USO1: variants seen among roughly 807,000 people sequenced by gnomAD.
USO1 encodes general vesicular transport factor p115.
A neutral mutation model predicts 124.5 loss-of-function variants in USO1; 57 were observed. The observed-to-expected ratio is 0.46, with a 90% CI of 0.37 to 0.57. The LOEUF (loss-of-function observed/expected upper bound fraction) is 0.57, where lower values mean the gene tolerates loss of function less well. USO1 is among the 20% of genes least tolerant of loss of function. The probability of loss-of-function intolerance (pLI) is 0.00; values close to 1 mark genes in which losing one functional copy is unlikely to be tolerated. For missense variants in USO1, 900 were observed against 1,040.6 expected, an observed-to-expected ratio of 0.86 and a Z score of 1.86; for synonymous variants, 369 against 362.8, an observed-to-expected ratio of 1.02 and a Z score of -0.19.
At chr4:75,810,624 T>C in intron 22 of USO1, 85 bp downstream of exon 22, 4 of 1,380,142 alleles carry the variant, frequency 2.9e-6, no homozygotes, top group Middle Eastern at 1.8e-4. Flanking sequence ...AATTCTTAGA[T>C]TTATGAAGAA....
intron 8 of USO1, among the ~76,000 whole-genome samples, chr4:75,777,943 A>G (rs1227111379): frequency 6.6e-6 from 1 of 152,236 alleles, no homozygotes; most frequent in Admixed American, 6.5e-5. Context: ...AATGTCCTTT[A>G]GTAGTTGAAT....
intron 22 of USO1, among the ~76,000 whole-genome samples, chr4:75,811,402 C>T (rs1299056043): frequency 1.3e-5 from 2 of 152,152 alleles, no homozygotes; most frequent in African/African-American, 2.4e-5. Context: ...GTGATCTGCC[C>T]GCATTGGCCC....
chr4:75,733,347 C>T (rs1412766856), intron 1 of USO1, among the ~76,000 whole-genome samples: 4 of 152,140 alleles, frequency 2.6e-5, no homozygotes, highest in Admixed American at 6.5e-5. Context: ...ACTGCTGGGT[C>T]GAATGGTAGT....
intron 1 of USO1, among the ~76,000 whole-genome samples, chr4:75,732,919 G>T (rs1175585257): frequency 2.0e-5 from 3 of 146,984 alleles, no homozygotes; most frequent in Non-Finnish European, 3.0e-5. Flanking sequence ...GGGGAGTTCT[G>T]TTTTAGGAAT....
chr4:75,807,317 C>A (rs1020076275), intron 20 of USO1, among the ~76,000 whole-genome samples: 1 of 151,670 alleles, frequency 6.6e-6, no homozygotes, highest in Non-Finnish European at 1.5e-5. Flanking sequence ...CTCTTTTCTT[C>A]TCTCTCTTTT....
intron 10 of USO1, among the ~76,000 whole-genome samples, chr4:75,788,171 ATTTT>A (rs11291010): frequency 1.6e-5 from 2 of 123,246 alleles, no homozygotes; most frequent in African/African-American, 6.0e-5. Flanking sequence ...TTATTTATTT[ATTTT>A]TTTTTTTTTT....
intron 1 of USO1, among the ~76,000 whole-genome samples, chr4:75,726,785 C>G (rs982300603): frequency 2.0e-5 from 3 of 152,214 alleles, no homozygotes; most frequent in Non-Finnish European, 4.4e-5. Context: ...CAGAGTCATA[C>G]CATAATCACA....
At chr4:75,797,111 C>G (rs1185123782) in intron 13 of USO1, among the ~76,000 whole-genome samples, 2 of 151,964 alleles carry the variant, frequency 1.3e-5, no homozygotes, top group Non-Finnish European at 2.9e-5. Flanking sequence ...GAGTTCAAGG[C>G]TGCAGTGAGC....
At chr4:75,750,061 G>T (rs1483114851) in intron 1 of USO1, among the ~76,000 whole-genome samples, 1 of 152,128 alleles carries the variant, frequency 6.6e-6, no homozygotes, top group African/African-American at 2.4e-5. Flanking sequence ...CCTAAACTAT[G>T]TTCTTCATCA....
chr4:75,805,161 G>T lies in USO1; in HGVS notation c.2147G>T (p.Gly716Val). 6.2e-7 allele frequency: 1 copy of T among 1,603,256 alleles called. No individual in the cohort carries two copies. The highest frequency in any genetic ancestry group is 8.5e-7 in the Non-Finnish European group (1 of 1,175,676). The change falls in exon 19 of 24, where the codon GGT (glycine) becomes GTT (valine). Residue 716 changes from glycine (G) to valine (V), a missense_variant. Transcript: ENST00000514213. ...ACAGGAAAAGACAATCAGCATCAAG[G>T]TTCTTACAGTGAGGGGGCTCAGATG... ...IQLGKDNQHQ[G>V]SYSEGAQMNG...
At chr4:75,802,773 G>C (rs1358723041) in intron 17 of USO1, among the ~76,000 whole-genome samples, 1 of 84,584 alleles carries the variant, frequency 1.2e-5, no homozygotes, top group Non-Finnish European at 2.1e-5. Context: ...AGACAGTTTC[G>C]CTCTTGTTGC....
chr4:75,762,569 G>T (rs542653766), intron 4 of USO1, among the ~76,000 whole-genome samples: 53 of 150,732 alleles, frequency 3.5e-4, no homozygotes, highest in African/African-American at 1.3e-3. Context: ...TTCTGACTGG[G>T]TTCTTTATTA....
chr4:75,811,243 C>T (rs2047989), intron 22 of USO1, among the ~76,000 whole-genome samples: 81,828 of 151,506 alleles, frequency 0.54, 23,624 homozygotes, highest in East Asian at 0.81. Context: ...GCAGCCTCCA[C>T]CTCCCAGATT....
chr4:75,752,406 A>G lies in USO1; in HGVS notation c.100A>G (p.Thr34Ala). The change falls in exon 2 of 24, where the codon ACT (threonine) becomes GCT (alanine). Residue 34 changes from threonine (T) to alanine (A), a missense_variant. Physicochemically the swap from Thr to Ala is moderately conservative, Grantham distance 58. Coordinates refer to ENST00000514213, the MANE Select transcript of USO1 (RefSeq NM_003715.4). ...QKLCDRVASS[T>A]LLDDRRNAVR... The stretch of plus-strand genomic sequence containing the variant: ...GCTTTGTGACAGAGTAGCTTCATCT[A>G]CTTTATTGGATGATCGAAGAAATGC... 2 of 398,280 alleles carry G rather than the reference A, an allele frequency of 5.0e-6. No homozygotes were observed. Among genetic ancestry groups the G allele is most frequent in the Non-Finnish European group, 4.4e-6 (1 of 225,970 alleles). The allele number at this position is 398,280 out of a possible 1,614,324, so 24.7% of individuals were successfully genotyped here.
intron 1 of USO1, among the ~76,000 whole-genome samples, chr4:75,731,026 G>A (rs1247070791): frequency 6.6e-6 from 1 of 152,068 alleles, no homozygotes; most frequent in East Asian, 1.9e-4. Flanking sequence ...ATGTCCTTTT[G>A]AAAAGCATAG....
At chr4:75,784,496 T>C (rs1722305474) in intron 9 of USO1, among the ~76,000 whole-genome samples, 1 of 152,174 alleles carries the variant, frequency 6.6e-6, no homozygotes, top group South Asian at 2.1e-4. Flanking sequence ...TGTAAAGAAT[T>C]ATTCTGAAGG....
intron 1 of USO1, among the ~76,000 whole-genome samples, chr4:75,746,293 C>T (rs2149148694): frequency 1.3e-5 from 2 of 152,294 alleles, no homozygotes; most frequent in Middle Eastern, 6.8e-3. Context: ...TAGTTTCTGT[C>T]CATGCCTAGC....
At chr4:75,762,504 T>A (rs998352382) in intron 4 of USO1, among the ~76,000 whole-genome samples, 5 of 152,040 alleles carry the variant, frequency 3.3e-5, no homozygotes, top group Admixed American at 2.0e-4. Context: ...CTTTTTTTTT[T>A]AAAGTATTTC....
intron 1 of USO1, among the ~76,000 whole-genome samples, chr4:75,731,581 T>C (rs1416001332): frequency 6.6e-6 from 1 of 152,130 alleles, no homozygotes; most frequent in Non-Finnish European, 1.5e-5. Flanking sequence ...AAAAAATGAC[T>C]TTTGTAATCT....
Sources: gnomAD v4.1 joint callset for allele counts (sites outside exome capture counted in the v4.1 genomes callset) on GRCh38, gnomAD v4.1.1 for gene constraint, MANE v1.5 for transcripts, NCBI Gene and HGNC (gene_info 2026-07-23, HGNC 2026-07-21) for gene names.